SPAG16: variants seen among roughly 807,000 people sequenced by gnomAD.
SPAG16 encodes sperm associated antigen 16, also known as sperm-associated antigen 16 protein.
In SPAG16, 86 loss-of-function variants were observed where a neutral mutation model predicts 80.4. The observed-to-expected ratio is 1.07, with a 90% CI of 0.90 to 1.28. The LOEUF is 1.28. Ranked by LOEUF, SPAG16 falls within the 50% of genes most tolerant of loss-of-function variation. The pLI, the probability that SPAG16 is intolerant of heterozygous loss-of-function variation, is 0.00. For synonymous variants in SPAG16, 294 were observed against 265.9 expected, an observed-to-expected ratio of 1.11 and a Z score of -1.03; for missense variants, 870 against 765.3, an observed-to-expected ratio of 1.14 and a Z score of -1.61.
intron 1 of SPAG16, among the ~76,000 whole-genome samples, chr2:213,291,451 A>G (rs1011895813): frequency 1.3e-5 from 2 of 152,186 alleles, no homozygotes; most frequent in Non-Finnish European, 2.9e-5. Context: ...AAATCAATCA[A>G]AGTATGTATC....
At chr2:214,150,639 T>C (rs2055928711) in intron 15 of SPAG16, among the ~76,000 whole-genome samples, 1 of 152,094 alleles carries the variant, frequency 6.6e-6, no homozygotes, top group South Asian at 2.1e-4. Context: ...CATTCAAGTA[T>C]TCATGTCTTT....
intron 14 of SPAG16, among the ~76,000 whole-genome samples, chr2:214,116,960 C>A (rs2053963787): frequency 6.6e-6 from 1 of 152,064 alleles, no homozygotes; most frequent in Non-Finnish European, 1.5e-5. Context: ...GTCACATGTC[C>A]ACTATTATCA....
At chr2:213,899,921 C>A (rs1051256705) in intron 11 of SPAG16, among the ~76,000 whole-genome samples, 5 of 152,074 alleles carry the variant, frequency 3.3e-5, no homozygotes, top group African/African-American at 1.2e-4. Flanking sequence ...TTGTGAAAAA[C>A]AATTCTCTTC....
chr2:213,621,995 C>A (rs76168408), intron 10 of SPAG16, among the ~76,000 whole-genome samples: 1 of 151,962 alleles, frequency 6.6e-6, no homozygotes, highest in African/African-American at 2.4e-5. Context: ...TGTGGAGCTC[C>A]CTTCTCTAAG....
chr2:213,313,832 T>A (rs2063300021), intron 4 of SPAG16, among the ~76,000 whole-genome samples: 2 of 151,882 alleles, frequency 1.3e-5, no homozygotes, highest in Admixed American at 6.6e-5. Context: ...TGCTGGGGAT[T>A]CTGACATCCT....
chr2:213,362,840 TAGA>T (rs1294223993), intron 7 of SPAG16, among the ~76,000 whole-genome samples: 4 of 152,190 alleles, frequency 2.6e-5, no homozygotes, highest in Admixed American at 6.5e-5. Flanking sequence ...CTGCAGGCTG[TAGA>T]AGAAGTATAG....
intron 10 of SPAG16, among the ~76,000 whole-genome samples, chr2:213,848,045 G>C (rs2074719169): frequency 6.6e-6 from 1 of 152,202 alleles, no homozygotes; most frequent in African/African-American, 2.4e-5. Flanking sequence ...GTGTGATTGA[G>C]AGACTTGGGA....
intron 11 of SPAG16, among the ~76,000 whole-genome samples, chr2:213,886,438 T>C (rs548185226): frequency 6.6e-6 from 1 of 152,144 alleles, no homozygotes; most frequent in East Asian, 1.9e-4. Flanking sequence ...GGACTATTGA[T>C]TCTGAGGCTG....
intron 15 of SPAG16, among the ~76,000 whole-genome samples, chr2:214,360,999 T>C (rs923931731): frequency 1.3e-5 from 2 of 151,856 alleles, no homozygotes; most frequent in Non-Finnish European, 2.9e-5. Context: ...CTGAGTGTAG[T>C]GTCAACTCTA....
chr2:213,676,478 C>T (rs1295293651), intron 10 of SPAG16, among the ~76,000 whole-genome samples: 1 of 150,934 alleles, frequency 6.6e-6, no homozygotes, highest in Non-Finnish European at 1.5e-5. Flanking sequence ...AAAGGGAATG[C>T]TTCCAGTTTT....
chr2:214,012,288 A>ATATTTTTTT (rs1553694500), intron 12 of SPAG16, among the ~76,000 whole-genome samples: 11 of 46,818 alleles, frequency 2.3e-4, no homozygotes, highest in Non-Finnish European at 3.0e-4. Flanking sequence ...ATATATATAT[A>ATATTTTTTT]TTTTTTTTTT....
At chr2:213,464,142 G>T (rs2072541981) in intron 9 of SPAG16, among the ~76,000 whole-genome samples, 1 of 152,286 alleles carries the variant, frequency 6.6e-6, no homozygotes, top group Non-Finnish European at 1.5e-5. Context: ...AGGTTACATG[G>T]TTAATCAAAT....
At chr2:213,591,858 G>T (rs2060704323) in intron 10 of SPAG16, among the ~76,000 whole-genome samples, 1 of 152,158 alleles carries the variant, frequency 6.6e-6, no homozygotes, top group Non-Finnish European at 1.5e-5. Flanking sequence ...GTATGGTGGA[G>T]GATGAGGAAC....
At chr2:214,185,141 A>G (rs1485531523) in intron 15 of SPAG16, among the ~76,000 whole-genome samples, 1 of 152,180 alleles carries the variant, frequency 6.6e-6, no homozygotes, top group East Asian at 1.9e-4. Context: ...AAATGCTTTG[A>G]AAAGTGCTCG....
chr2:213,470,691 A>C (rs111773912), intron 9 of SPAG16, among the ~76,000 whole-genome samples: 9,149 of 152,212 alleles, frequency 0.06, 915 homozygotes, highest in African/African-American at 0.21. Flanking sequence ...CATCATGGCC[A>C]CTTTTCTCAT....
chr2:213,897,287 A>C (rs2077033245), intron 11 of SPAG16, among the ~76,000 whole-genome samples: 1 of 152,210 alleles, frequency 6.6e-6, no homozygotes, highest in Non-Finnish European at 1.5e-5. Context: ...GCTATGACTT[A>C]CAAGTATGAG....
chr2:213,483,156 C>G (rs1297134356), intron 9 of SPAG16, among the ~76,000 whole-genome samples: 2 of 152,060 alleles, frequency 1.3e-5, no homozygotes, highest in South Asian at 4.1e-4. Context: ...GTTTCATCAT[C>G]TGGATGCATG....
chr2:213,333,484 C>G (rs2064199406), intron 5 of SPAG16, among the ~76,000 whole-genome samples: 2 of 152,026 alleles, frequency 1.3e-5, no homozygotes, highest in African/African-American at 4.8e-5. Context: ...AGATTCTTCA[C>G]AGAAATAGAA....
At chr2:213,928,380 T>C (rs529767282) in intron 11 of SPAG16, among the ~76,000 whole-genome samples, 18 of 151,916 alleles carry the variant, frequency 1.2e-4, no homozygotes, top group South Asian at 2.1e-4. Context: ...GTGTGAGCCA[T>C]CACACCTGGC....
Sources: allele counts gnomAD v4.1 joint callset (sites outside exome capture counted in the v4.1 genomes callset), GRCh38; gene constraint gnomAD v4.1.1; transcripts MANE v1.5; gene names NCBI Gene and HGNC (gene_info 2026-07-23, HGNC 2026-07-21).